The following CPEB3 variants were observed in gnomAD, a reference collection of about 807,000 sequenced individuals.
CPEB3 encodes cytoplasmic polyadenylation element binding protein 3, also known as cytoplasmic polyadenylation element-binding protein 3.
In CPEB3, 20 loss-of-function variants were observed where a neutral mutation model predicts 67.2. That is an observed-to-expected ratio of 0.30 (90% CI 0.21 to 0.43). The LOEUF is 0.43. CPEB3 is among the 20% of genes least tolerant of loss of function. CPEB3 has a pLI of 1.00. For synonymous variants in CPEB3, 376 were observed against 393.1 expected (o/e 0.96, Z 0.51); for missense variants, 746 against 968.6 (o/e 0.77, Z 3.05).
chr10:92,240,862 A>AAAAAC (rs3837332), intron 1 of CPEB3, among the ~76,000 whole-genome samples: 53,054 of 151,352 alleles, frequency 0.35, 10,440 homozygotes, highest in African/African-American at 0.52. Flanking sequence ...CACTTTTTAA[A>AAAAAC]AAAACAAAAC....
At chr10:92,100,887 G>A (rs1386491025) in intron 7 of CPEB3, among the ~76,000 whole-genome samples, 4 of 152,128 alleles carry the variant, frequency 2.6e-5, no homozygotes, top group African/African-American at 4.8e-5. Flanking sequence ...CACCGTGCCC[G>A]GCCAAGAACA....
At chr10:92,099,441 C>A (rs1050617531) in intron 7 of CPEB3, among the ~76,000 whole-genome samples, 2 of 152,110 alleles carry the variant, frequency 1.3e-5, no homozygotes, top group African/African-American at 4.8e-5. Flanking sequence ...CATGAGCCAC[C>A]GTGCCTGACC....
intron 1 of CPEB3, among the ~76,000 whole-genome samples, chr10:92,269,854 A>C (rs72807280): frequency 2.0e-4 from 31 of 152,226 alleles, no homozygotes; most frequent in Non-Finnish European, 3.2e-4. Context: ...CACCACACAC[A>C]GCCAAACCTG....
At chr10:92,254,350 A>C (rs1175304886) in intron 1 of CPEB3, among the ~76,000 whole-genome samples, 1 of 152,202 alleles carries the variant, frequency 6.6e-6, no homozygotes, top group African/African-American at 2.4e-5. Flanking sequence ...TAAAAATGTT[A>C]AAAGCTAAGG....
intron 3 of CPEB3, among the ~76,000 whole-genome samples, chr10:92,187,664 G>C (rs927670880): frequency 3.3e-5 from 5 of 152,154 alleles, no homozygotes; most frequent in Admixed American, 6.5e-5. Context: ...GGTTCCATAG[G>C]AGCTTAGTGA....
At chr10:92,233,085 G>A (rs1180922018) in intron 2 of CPEB3, among the ~76,000 whole-genome samples, 1 of 152,324 alleles carries the variant, frequency 6.6e-6, no homozygotes, top group South Asian at 2.1e-4. Context: ...AGTTTGTGGG[G>A]ATGAGTAGAC....
rs187487567 is a variant in CPEB3, at chr10:92,100,714, C to T, written c.1573-8770G>A. On this transcript the variant is annotated intron_variant, in intron 7 of 9. Coordinates refer to ENST00000265997, the MANE Select transcript of CPEB3 (RefSeq NM_014912.5). ...TCACACCATTCTCCTGCCTCAGCCT[C>T]CCAAGTAGCTGGGACTACAGGTGCC... Among the ~76,000 whole-genome samples the T allele has an allele frequency of 3.7e-3, 557 of 152,318 alleles. 3 individuals are homozygous for T. Among genetic ancestry groups the T allele is most frequent in the African/African-American group, 0.013 (531 of 41,558 alleles).
chr10:92,094,043 C>A (rs778512833), intron 7 of CPEB3, among the ~76,000 whole-genome samples: 2 of 151,778 alleles, frequency 1.3e-5, no homozygotes, highest in Non-Finnish European at 2.9e-5. Context: ...TTAGCAGAGA[C>A]GGGGCTTCGC....
chr10:92,146,169 A>G (rs1050211794), intron 4 of CPEB3, among the ~76,000 whole-genome samples: 2 of 152,200 alleles, frequency 1.3e-5, no homozygotes, highest in Non-Finnish European at 2.9e-5. Context: ...TAAAGTTTGT[A>G]GAGCAAAAGT....
intron 7 of CPEB3, among the ~76,000 whole-genome samples, chr10:92,108,078 G>A (rs1221594291): frequency 6.6e-6 from 1 of 152,154 alleles, no homozygotes; most frequent in Non-Finnish European, 1.5e-5. Context: ...AGTTTGAGGG[G>A]AAACGATGAG....
chr10:92,112,581 G>C (rs1264745205), intron 6 of CPEB3, among the ~76,000 whole-genome samples: 5 of 152,318 alleles, frequency 3.3e-5, no homozygotes, highest in Non-Finnish European at 7.3e-5. Flanking sequence ...GGCCCAACTT[G>C]GGAGAATCAG....
chr10:92,181,094 T>C (rs1240868473), intron 3 of CPEB3, 75 bp from the exon 4 acceptor site: 7 of 800,766 alleles, frequency 8.7e-6, no homozygotes, highest in Non-Finnish European at 1.2e-5. Flanking sequence ...AATATAAACA[T>C]TACAAAAATC....
rs1852658845 is a variant in CPEB3, at chr10:92,258,807, A to C, written c.-11-18446T>G. ...TGAGTAGCTGGAACTACAGGCACCC[A>C]CCACCACGCTGAGTAATTTTTTTGT... On this transcript the variant is annotated intron_variant, in intron 1 of 9. Coordinates refer to ENST00000265997, the MANE Select transcript of CPEB3 (RefSeq NM_014912.5). Among the ~76,000 whole-genome samples the C allele has an allele frequency of 4.6e-5, 7 of 151,108 alleles. 1 individual carries two copies. The highest frequency in any genetic ancestry group is 4.6e-4 in the Admixed American group (7 of 15,152).
chr10:92,260,097 T>A (rs1418889225), intron 1 of CPEB3, among the ~76,000 whole-genome samples: 2 of 152,322 alleles, frequency 1.3e-5, no homozygotes, highest in East Asian at 3.9e-4. Context: ...ACTTCACAGT[T>A]GTTAAGAGGG....
At chr10:92,189,413 T>C (rs1212380057) in intron 3 of CPEB3, among the ~76,000 whole-genome samples, 1 of 152,176 alleles carries the variant, frequency 6.6e-6, no homozygotes, top group African/African-American at 2.4e-5. Context: ...GTGGATAACA[T>C]TTGAGCAGTT....
chr10:92,171,915 C>T (rs1220787523), intron 4 of CPEB3, among the ~76,000 whole-genome samples: 2 of 152,198 alleles, frequency 1.3e-5, no homozygotes, highest in Non-Finnish European at 2.9e-5. Flanking sequence ...CGCACCCAGC[C>T]TTGGTGTATA....
At chr10:92,210,591 A>G (rs145479708) in intron 2 of CPEB3, among the ~76,000 whole-genome samples, 2 of 152,356 alleles carry the variant, frequency 1.3e-5, no homozygotes, top group African/African-American at 4.8e-5. Context: ...GGGGTAATAC[A>G]TAAACTATTG....
At chr10:92,068,571 G>A (rs1203746848) in intron 9 of CPEB3, among the ~76,000 whole-genome samples, 2 of 152,060 alleles carry the variant, frequency 1.3e-5, no homozygotes, top group Non-Finnish European at 2.9e-5. Flanking sequence ...TTAGAAAAAA[G>A]GCAATGGACT....
At position 92,204,745 on chromosome 10, in the gene CPEB3, A is replaced by T. The variant is rs571013871; in HGVS notation, c.1006-12109T>A. Among the ~76,000 whole-genome samples, 7 of 152,306 alleles carry T rather than the reference A, an allele frequency of 4.6e-5. No homozygotes were observed. The South Asian group carries it at 1.4e-3, about 32-fold the overall frequency. ...CTAATTCCAGATAAAAAGAGACTTA[A>T]ATTAAAATGAGACAAATAATAAAAT... On this transcript the variant is annotated intron_variant, in intron 2 of 9. Coordinates refer to ENST00000265997, the MANE Select transcript of CPEB3 (RefSeq NM_014912.5).
Sources: gnomAD v4.1 joint callset for allele counts (sites outside exome capture counted in the v4.1 genomes callset) on GRCh38, gnomAD v4.1.1 for gene constraint, MANE v1.5 for transcripts, NCBI Gene and HGNC (gene_info 2026-07-23, HGNC 2026-07-21) for gene names.